The following AGBL4 variants were observed in gnomAD, a reference collection of about 807,000 sequenced individuals.
AGBL4 encodes the protein cytosolic carboxypeptidase 6.
In AGBL4, 58 loss-of-function variants were observed where a neutral mutation model predicts 66.4. That is an observed-to-expected ratio of 0.87 (90% CI 0.71 to 1.09). The LOEUF (loss-of-function observed/expected upper bound fraction) is 1.09, where lower values mean the gene tolerates loss of function less well. AGBL4 is among the 50% of genes least tolerant of loss of function. The pLI is 0.00. For missense variants in AGBL4, 579 were observed against 631.0 expected (o/e 0.92, Z 0.88); for synonymous variants, 234 against 222.9 (o/e 1.05, Z -0.44).
chr1:49,706,762 G>T (rs962813748), intron 2 of AGBL4, among the ~76,000 whole-genome samples: 2 of 152,080 alleles, frequency 1.3e-5, no homozygotes, highest in African/African-American at 4.8e-5. Flanking sequence ...GTTCTCATTG[G>T]TTTCAAAGAA....
chr1:49,917,045 T>G (rs1267191720), intron 1 of AGBL4, among the ~76,000 whole-genome samples: 1 of 152,186 alleles, frequency 6.6e-6, no homozygotes, highest in East Asian at 1.9e-4. Context: ...TGAGAGATTT[T>G]GTCACCACCA....
chr1:49,483,534 A>G (rs1461555958), intron 3 of AGBL4, among the ~76,000 whole-genome samples: 1 of 152,046 alleles, frequency 6.6e-6, no homozygotes, highest in African/African-American at 2.4e-5. Flanking sequence ...GTGCTGGGAA[A>G]CATGGATATC....
At chr1:49,910,975 C>CA (rs1021458023) in intron 1 of AGBL4, among the ~76,000 whole-genome samples, 5 of 151,536 alleles carry the variant, frequency 3.3e-5, no homozygotes, top group Admixed American at 1.3e-4. Context: ...GACTCCATCT[C>CA]AAAAAAACAA....
intron 1 of AGBL4, among the ~76,000 whole-genome samples, chr1:49,981,652 G>A (rs546751112): frequency 3.6e-4 from 55 of 152,230 alleles, no homozygotes; most frequent in African/African-American, 1.3e-3. Flanking sequence ...TAGCTAGATG[G>A]TAATGTATTT....
At chr1:49,963,195 A>G (rs982778774) in intron 1 of AGBL4, among the ~76,000 whole-genome samples, 3 of 152,208 alleles carry the variant, frequency 2.0e-5, no homozygotes, top group Admixed American at 2.0e-4. Flanking sequence ...TACAAAGAAA[A>G]TGTAAAATAC....
intron 5 of AGBL4, among the ~76,000 whole-genome samples, chr1:48,886,946 G>A (rs1236629027): frequency 2.0e-5 from 3 of 152,164 alleles, no homozygotes; most frequent in Non-Finnish European, 4.4e-5. Context: ...GGATGATGAG[G>A]TCAACAGATA....
chr1:49,591,855 T>C (rs1351623571), intron 3 of AGBL4, among the ~76,000 whole-genome samples: 1 of 152,282 alleles, frequency 6.6e-6, no homozygotes, highest in East Asian at 1.9e-4. Flanking sequence ...CCCTATTCAA[T>C]AAATGGTCCT....
intron 6 of AGBL4, among the ~76,000 whole-genome samples, chr1:48,858,144 C>T (rs1265393371): frequency 6.6e-6 from 1 of 151,960 alleles, no homozygotes; most frequent in Non-Finnish European, 1.5e-5. Context: ...CACTTTACAC[C>T]CATTAGGATG....
chr1:49,823,587 A>C (rs1166455804), intron 2 of AGBL4, among the ~76,000 whole-genome samples: 2 of 152,142 alleles, frequency 1.3e-5, no homozygotes, highest in Non-Finnish European at 2.9e-5. Context: ...TGGAAGCAAG[A>C]ATGTCCCAAG....
At chr1:48,687,958 A>G (rs1015720008) in intron 6 of AGBL4, among the ~76,000 whole-genome samples, 28 of 152,192 alleles carry the variant, frequency 1.8e-4, no homozygotes, top group African/African-American at 6.5e-4. Context: ...TCTTTTCTCC[A>G]TAGCACTCAT....
chr1:49,635,556 A>T (rs12723839), intron 3 of AGBL4, among the ~76,000 whole-genome samples: 13,973 of 152,214 alleles, frequency 0.092, 877 homozygotes, highest in East Asian at 0.3. Context: ...ATGGCAGACT[A>T]CTTAATTTTT....
At chr1:49,615,322 C>T (rs1438787647) in intron 3 of AGBL4, among the ~76,000 whole-genome samples, 2 of 152,064 alleles carry the variant, frequency 1.3e-5, no homozygotes, top group African/African-American at 4.8e-5. Flanking sequence ...GAATATACTT[C>T]AGGACAAACA....
intron 3 of AGBL4, among the ~76,000 whole-genome samples, chr1:49,270,848 T>C (rs746116855): frequency 1.7e-4 from 26 of 152,206 alleles, no homozygotes; most frequent in Non-Finnish European, 3.5e-4. Context: ...GAGAGATTTC[T>C]TATTCCAAAC....
intron 2 of AGBL4, among the ~76,000 whole-genome samples, chr1:49,815,802 T>C (rs926381637): frequency 1.3e-5 from 2 of 152,164 alleles, no homozygotes; most frequent in Non-Finnish European, 2.9e-5. Context: ...CTGTTTGCCA[T>C]TTGTATGTCT....
At chr1:48,571,096 G>T (rs1644556229) in intron 11 of AGBL4, among the ~76,000 whole-genome samples, 1 of 152,194 alleles carries the variant, frequency 6.6e-6, no homozygotes, top group Non-Finnish European at 1.5e-5. Context: ...GTACTGACAT[G>T]CATTAGCTCA....
chr1:48,863,268 T>C (rs191866541), intron 6 of AGBL4, among the ~76,000 whole-genome samples: 80 of 152,054 alleles, frequency 5.3e-4, no homozygotes, highest in African/African-American at 1.9e-3. Context: ...AGGTTAGAAA[T>C]AAAATAGATA....
chr1:48,735,739 T>A (rs1648939473), intron 6 of AGBL4, among the ~76,000 whole-genome samples: 1 of 152,040 alleles, frequency 6.6e-6, no homozygotes, highest in South Asian at 2.1e-4. Context: ...GGCACAATGC[T>A]AGAACCACCA....
chr1:49,928,929 T>C (rs984310734), intron 1 of AGBL4, among the ~76,000 whole-genome samples: 5 of 152,018 alleles, frequency 3.3e-5, no homozygotes, highest in African/African-American at 1.2e-4. Context: ...TGACCATCAA[T>C]TATGGATTAG....
chr1:49,622,628 CAAAAAAAAAAAAAAA>C lies in AGBL4; in HGVS notation c.282+74670_282+74684del, dbSNP rs71059557. Among the ~76,000 whole-genome samples, 4 of 65,484 alleles carry C rather than the reference CAAAAAAAAAAAAAAA, an allele frequency of 6.1e-5. No homozygotes were observed. In the East Asian group the frequency reaches 2.0e-3, roughly 32 times the overall value. The allele number at this position is 65,484 out of a possible 152,430, so 43.0% of individuals were successfully genotyped here. A position where few individuals can be genotyped will look rare whatever the true frequency, so the allele number is the denominator to read the frequency against. On this transcript the variant is annotated intron_variant, in intron 3 of 13. Coordinates refer to ENST00000371839, the MANE Select transcript of AGBL4 (RefSeq NM_032785.4). ...TGGGCGACAGAGCGAGACTCCGTCT[CAAAAAAAAAAAAAAA>C]AAAAAAAAAAAGAAAAATGGGAATA...
Sources: gnomAD v4.1 joint callset for allele counts (sites outside exome capture counted in the v4.1 genomes callset) on GRCh38, gnomAD v4.1.1 for gene constraint, MANE v1.5 for transcripts, NCBI Gene and HGNC (gene_info 2026-07-23, HGNC 2026-07-21) for gene names.